The following DNAH11 variants were observed in gnomAD, a reference collection of about 807,000 sequenced individuals.
The protein encoded by DNAH11 is dynein axonemal heavy chain 11.
A neutral mutation model predicts 526.0 loss-of-function variants in DNAH11; 442 were observed. That is an observed-to-expected ratio of 0.84 (90% CI 0.78 to 0.91). DNAH11 has a LOEUF of 0.91. Among genes scored for constraint, DNAH11 ranks in the 40% least tolerant of loss-of-function variants. DNAH11 has a pLI of 0.00. For synonymous variants in DNAH11, 2,461 were observed against 1,935.9 expected (o/e 1.27, Z -7.12); for missense variants, 6,989 against 5,448.7 (o/e 1.28, Z -8.90).
chr7:21,878,895 A>G (rs377182871), intron 74 of DNAH11, among the ~76,000 whole-genome samples: 3 of 152,198 alleles, frequency 2.0e-5, no homozygotes, highest in East Asian at 1.9e-4. Context: ...TGAACTGGCT[A>G]TAGTTTGCCC....
intron 40 of DNAH11, among the ~76,000 whole-genome samples, chr7:21,709,158 A>C (rs540450714): frequency 6.6e-6 from 1 of 152,222 alleles, no homozygotes; most frequent in Non-Finnish European, 1.5e-5. Flanking sequence ...TCACAATAGC[A>C]AAGACGTGGA....
At position 21,545,227 on chromosome 7, in the gene DNAH11, TTAAAA is replaced by T. The variant is rs1161197051; in HGVS notation, c.495+79_495+83del. 19 of 1,155,120 alleles carry T rather than the reference TTAAAA, an allele frequency of 1.6e-5. No individual in the cohort carries two copies. The East Asian group carries it at 9.1e-4, about 56-fold the overall frequency. The allele number at this position is 1,155,120 out of a possible 1,614,324, so 71.6% of individuals were successfully genotyped here. A position where few individuals can be genotyped will look rare whatever the true frequency, so the allele number is the denominator to read the frequency against. On this transcript the variant is annotated intron_variant, in intron 2 of 81. Transcript: ENST00000409508. ...AAATTATTTAGGACAACTCCGATAA[TTAAAA>T]AAAGAAGAGCTAGGAGGGGAAGGGA...
chr7:21,827,374 C>T (rs1241059922), intron 65 of DNAH11, among the ~76,000 whole-genome samples: 2 of 152,028 alleles, frequency 1.3e-5, no homozygotes, highest in East Asian at 1.9e-4. Flanking sequence ...GAAGCATCTT[C>T]ATAAAATTCT....
At chr7:21,702,518 G>A (rs1051944251) in intron 36 of DNAH11, among the ~76,000 whole-genome samples, 192 bp from the exon 37 acceptor site, 1 of 151,972 alleles carries the variant, frequency 6.6e-6, no homozygotes, top group Admixed American at 6.6e-5. Flanking sequence ...AAAAAAAAAG[G>A]TGAAAGAAAC....
chr7:21,814,333 TTTTA>T (rs1359377905), intron 63 of DNAH11, among the ~76,000 whole-genome samples: 1 of 88,024 alleles, frequency 1.1e-5, no homozygotes, highest in Non-Finnish European at 2.0e-5. Context: ...ACAAAATTTA[TTTTA>T]TTTATTTATT....
intron 67 of DNAH11, among the ~76,000 whole-genome samples, chr7:21,853,754 A>G (rs1782727367): frequency 6.6e-6 from 1 of 152,244 alleles, no homozygotes; most frequent in Non-Finnish European, 1.5e-5. Flanking sequence ...GAATGTACCC[A>G]GAGGCTAATA....
At chr7:21,800,488 C>T (rs1277359780) in intron 61 of DNAH11, among the ~76,000 whole-genome samples, 7 of 152,012 alleles carry the variant, frequency 4.6e-5, no homozygotes, top group South Asian at 2.1e-4. Context: ...AAAAATTAGC[C>T]GGGTGTGGTG....
intron 25 of DNAH11, 123 bp downstream of exon 25, chr7:21,620,201 C>T: frequency 4.5e-6 from 4 of 892,304 alleles, no homozygotes; most frequent in Non-Finnish European, 6.4e-6. Context: ...TTAAATCAGG[C>T]TAACCGTCAT....
In DNAH11 at chr7:21,558,923, T is replaced by A. The variant is rs1375355712; in HGVS notation, c.617T>A (p.Met206Lys). 1.3e-6 allele frequency: 2 copies of A among 1,599,328 alleles called. No individual in the cohort carries two copies. Among genetic ancestry groups the A allele is most frequent in the Admixed American group, 1.7e-5 (1 of 57,960 alleles). ...AAGATGTATATTTTTAGGGGCAAAA[T>A]GTCTAGAAGAACTCTTCTACCAATT... ...KKKMYIFRGK[M>K]SRRTLLPIPT... The change falls in exon 3 of 82, where the codon ATG becomes AAG. Residue 206 changes from methionine to lysine, a missense_variant. Physicochemically the swap from Met to Lys is moderately conservative, Grantham distance 95. Coordinates refer to ENST00000409508, the MANE Select transcript of DNAH11 (RefSeq NM_001277115.2).
intron 28 of DNAH11, among the ~76,000 whole-genome samples, chr7:21,641,990 A>G (rs1478878679): frequency 6.6e-6 from 1 of 152,182 alleles, no homozygotes; most frequent in Non-Finnish European, 1.5e-5. Flanking sequence ...GATAAATGCC[A>G]CCACGCTAAC....
chr7:21,855,029 A>AT lies in DNAH11; in HGVS notation c.11202+594dup, dbSNP rs61635369. The stretch of plus-strand genomic sequence containing the variant: ...TGTATTGCTCCTGAGCAGTCTCTTA[A>AT]TTTTTTTTTTTTTTTTTTTTGGGAT... On this transcript the variant is annotated intron_variant, in intron 68 of 81. Transcript: ENST00000409508. Among the ~76,000 whole-genome samples the AT allele has an allele frequency of 7.8e-3, 893 of 114,560 alleles. 21 individuals are homozygous for AT. Among genetic ancestry groups the AT allele is most frequent in the Middle Eastern group, 0.042 (7 of 166 alleles). The allele number at this position is 114,560 out of a possible 152,430, so 75.2% of individuals were successfully genotyped here.
intron 65 of DNAH11, among the ~76,000 whole-genome samples, chr7:21,825,427 A>G (rs372719581): frequency 3.9e-5 from 6 of 152,188 alleles, no homozygotes; most frequent in African/African-American, 1.4e-4. Context: ...ATCAACTTTA[A>G]AAGATAATGC....
chr7:21,841,607 TG>T (rs945509424), intron 65 of DNAH11, among the ~76,000 whole-genome samples: 1 of 148,890 alleles, frequency 6.7e-6, no homozygotes, highest in African/African-American at 2.6e-5. Context: ...TGAGTGAGTG[TG>T]GGGGTGTGTG....
intron 28 of DNAH11, among the ~76,000 whole-genome samples, chr7:21,653,300 A>G (rs1781868037): frequency 6.6e-6 from 1 of 152,226 alleles, no homozygotes; most frequent in African/African-American, 2.4e-5. Flanking sequence ...ATCTGAGGGC[A>G]ACAGGGGCCA....
intron 28 of DNAH11, 78 bp downstream of exon 28, chr7:21,639,143 C>A: frequency 6.9e-7 from 1 of 1,458,554 alleles, no homozygotes; most frequent in Non-Finnish European, 9.1e-7. Context: ...TTGTCAAATG[C>A]TACCTGTCAT....
At chr7:21,847,194 C>T (rs1467464281) in intron 66 of DNAH11, among the ~76,000 whole-genome samples, 2 of 152,148 alleles carry the variant, frequency 1.3e-5, no homozygotes, top group East Asian at 3.9e-4. Context: ...GACTTCTGCT[C>T]TGATTTTTAT....
chr7:21,652,061 A>G (rs1301492014), intron 28 of DNAH11, among the ~76,000 whole-genome samples: 2 of 152,236 alleles, frequency 1.3e-5, no homozygotes, highest in Non-Finnish European at 2.9e-5. Context: ...AAAATTGATA[A>G]TGCTAGAAGC....
At chr7:21,682,982 C>T (rs927741854) in intron 31 of DNAH11, among the ~76,000 whole-genome samples, 14 of 152,082 alleles carry the variant, frequency 9.2e-5, no homozygotes, top group African/African-American at 3.4e-4. Flanking sequence ...TCTAACTACT[C>T]CTTTAATATG....
chr7:21,592,964 A>AAG (rs1178260756), intron 14 of DNAH11, among the ~76,000 whole-genome samples: 1 of 152,210 alleles, frequency 6.6e-6, no homozygotes, highest in Non-Finnish European at 1.5e-5. Flanking sequence ...CTAGAATTGC[A>AAG]AATGTGTCTT....
Sources: allele counts gnomAD v4.1 joint callset (sites outside exome capture counted in the v4.1 genomes callset), GRCh38; gene constraint gnomAD v4.1.1; transcripts MANE v1.5; gene names NCBI Gene and HGNC (gene_info 2026-07-23, HGNC 2026-07-21).